The following CDCA7L variants were observed in gnomAD, a reference collection of about 807,000 sequenced individuals.
CDCA7L encodes cell division cycle-associated 7-like protein.
In CDCA7L, 44 loss-of-function variants were observed where a neutral mutation model predicts 57.4. That is an observed-to-expected ratio of 0.77 (90% CI 0.60 to 0.98). CDCA7L has a LOEUF of 0.98. Ranked by LOEUF, CDCA7L falls within the 50% of genes least tolerant of loss-of-function variation. CDCA7L has a pLI of 0.00. For synonymous variants in CDCA7L, 236 were observed against 202.8 expected (o/e 1.16, Z -1.39); for missense variants, 644 against 580.6 (o/e 1.11, Z -1.12).
At chr7:21,938,421 G>A (rs1786240014) in intron 1 of CDCA7L, among the ~76,000 whole-genome samples, 1 of 152,024 alleles carries the variant, frequency 6.6e-6, no homozygotes. Context: ...AAGACGTGAA[G>A]AAATTGGAAC....
intron 2 of CDCA7L, among the ~76,000 whole-genome samples, chr7:21,915,658 A>AACACACAC: frequency 2.7e-5 from 2 of 73,502 alleles, no homozygotes; most frequent in African/African-American, 1.2e-4. Flanking sequence ...AAAAAAAAAA[A>AACACACAC]ACACACACAC....
intron 1 of CDCA7L, among the ~76,000 whole-genome samples, chr7:21,924,819 G>T (rs1454567862): frequency 2.6e-5 from 4 of 151,980 alleles, no homozygotes; most frequent in African/African-American, 9.7e-5. Context: ...CCACACACTG[G>T]GAGAAAATAT....
chr7:21,902,239 AAAAATCTT>A lies in CDCA7L; in HGVS notation c.*75_*82del, dbSNP rs374410108. 16 of 1,135,080 alleles carry A rather than the reference AAAAATCTT, an allele frequency of 1.4e-5. No individual in the cohort carries two copies. In the African/African-American group the frequency reaches 1.7e-4, roughly 12 times the overall value. The allele number at this position is 1,135,080 out of a possible 1,614,324, so 70.3% of individuals were successfully genotyped here. On this transcript the variant is annotated 3_prime_UTR_variant, in exon 10 of 10. Coordinates refer to ENST00000406877, the MANE Select transcript of CDCA7L (RefSeq NM_018719.5). ...TTTCTGTATAAAAACACAACTGTAA[AAAAATCTT>A]TCTTAGGCACCAATGGTATGCATGT...
intron 2 of CDCA7L, among the ~76,000 whole-genome samples, chr7:21,913,888 G>GT (rs1785404552): frequency 6.6e-6 from 1 of 152,320 alleles, no homozygotes; most frequent in Admixed American, 6.5e-5. Context: ...TCCAAAGTGT[G>GT]TAAGTACTGT....
intron 2 of CDCA7L, among the ~76,000 whole-genome samples, chr7:21,915,298 G>A (rs1785444271): frequency 6.6e-6 from 1 of 152,072 alleles, no homozygotes; most frequent in South Asian, 2.1e-4. Flanking sequence ...GGAGAAGTGA[G>A]TTTCAGATCT....
At position 21,905,560 on chromosome 7, in the gene CDCA7L, C is replaced by T; in HGVS notation, c.993G>A (p.Glu331=). 1 of 1,614,074 alleles carries T rather than the reference C, an allele frequency of 6.2e-7. No homozygotes were observed. Among genetic ancestry groups the T allele is most frequent in the Non-Finnish European group, 8.5e-7 (1 of 1,179,998 alleles). ...CAGTTATGGCAACATTTTCTAAGTCCTCTTCGGTGATATCCTCCACTGGCC... is the reference window on the plus strand; with the variant it reads ...CAGTTATGGCAACATTTTCTAAGTCTTCTTCGGTGATATCCTCCACTGGCC... The part of the protein sequence containing the change: ...SFRPVEDITE[E]DLENVAITVR... The change falls in exon 7 of 10, where the codon GAG becomes GAA. Residue 331 remains glutamate, a synonymous_variant. Coordinates refer to ENST00000406877, the MANE Select transcript of CDCA7L (RefSeq NM_018719.5).
In CDCA7L at chr7:21,910,355, C is replaced by T. The variant is rs560755210; in HGVS notation, c.303+1262G>A. ...CCAAAGGAGACCTGGGGCCTCCAGG[C>T]TGGCACAGCTCTATGTTGCTACTCA... is the stretch of plus-strand genomic sequence containing the variant. On this transcript the variant is annotated intron_variant, in intron 3 of 9. Coordinates refer to ENST00000406877, the MANE Select transcript of CDCA7L (RefSeq NM_018719.5). Among the ~76,000 whole-genome samples the T allele has an allele frequency of 9.8e-5, 15 of 152,336 alleles. No homozygotes were observed. The South Asian group carries it at 3.1e-3, about 32-fold the overall frequency.
intron 1 of CDCA7L, among the ~76,000 whole-genome samples, chr7:21,936,812 C>A (rs975848671): frequency 6.6e-6 from 1 of 152,104 alleles, no homozygotes; most frequent in Admixed American, 6.6e-5. Context: ...GGAGGTCTAG[C>A]CAGACCAATC....
At position 21,901,165 on chromosome 7, in the gene CDCA7L, C is replaced by T. The variant is rs1784804936; in HGVS notation, c.*1157G>A. On this transcript the variant is annotated 3_prime_UTR_variant, in exon 10 of 10. Coordinates refer to ENST00000406877, the MANE Select transcript of CDCA7L (RefSeq NM_018719.5). ...TGTGTATAGAACCAAACTGAGAGGC[C>T]CCAGCTACATCTGGACCTTCAGGCT... The T allele has an allele frequency of 6.2e-7, 1 of 1,613,758 alleles. No individual in the cohort carries two copies. The highest frequency in any genetic ancestry group is 1.7e-5 in the Admixed American group (1 of 59,990).
chr7:21,916,900 T>C lies in CDCA7L; in HGVS notation c.25-6A>G, dbSNP rs747460766. On this transcript the variant is annotated splice_region_variant and splice_polypyrimidine_tract_variant and intron_variant, in intron 1 of 9. Coordinates refer to ENST00000406877, the MANE Select transcript of CDCA7L (RefSeq NM_018719.5). ...TCAGCCACTTCTTTAGGGATCTGTT[T>C]TGGATTCAAAAGAGGCAGGATTAAA... is the stretch of plus-strand genomic sequence containing the variant. 29 of 1,613,994 alleles carry C rather than the reference T, an allele frequency of 1.8e-5. No individual in the cohort carries two copies. The highest frequency in any genetic ancestry group is 2.3e-5 in the Non-Finnish European group (27 of 1,179,932).
chr7:21,901,390 G>T lies in CDCA7L; in HGVS notation c.*932C>A. On this transcript the variant is annotated 3_prime_UTR_variant, in exon 10 of 10. Coordinates refer to ENST00000406877, the MANE Select transcript of CDCA7L (RefSeq NM_018719.5). ...CATTCTTTTTTCAACGCTATCCTTA[G>T]AGTGAAAGTCAGAAAAAAATACTAG... 1 of 1,253,798 alleles carries T rather than the reference G, an allele frequency of 8.0e-7. No individual in the cohort carries two copies. The allele number at this position is 1,253,798 out of a possible 1,614,324, so 77.7% of individuals were successfully genotyped here.
chr7:21,901,061 T>G lies in CDCA7L; in HGVS notation c.*1261A>C. The G allele has an allele frequency of 6.2e-7, 1 of 1,613,552 alleles. No individual in the cohort carries two copies. Among genetic ancestry groups the G allele is most frequent in the South Asian group, 1.1e-5 (1 of 90,986 alleles). ...ATTGTTGAAGCCCGTCTCAAGGAGCTGGCATGCCCTATGCCGGTCATCTTT... is the reference window on the plus strand; with the variant it reads ...ATTGTTGAAGCCCGTCTCAAGGAGCGGGCATGCCCTATGCCGGTCATCTTT... On this transcript the variant is annotated 3_prime_UTR_variant, in exon 10 of 10. Coordinates refer to ENST00000406877, the MANE Select transcript of CDCA7L (RefSeq NM_018719.5).
rs1303995752 is a variant in CDCA7L at position 21,908,591 on chromosome 7, T to C, written c.304-84A>G. On this transcript the variant is annotated intron_variant, in intron 3 of 9. Coordinates refer to ENST00000406877, the MANE Select transcript of CDCA7L (RefSeq NM_018719.5). ...CATGCATTTAAAACAACTGACAGCATTATGAGAAAAAACATGAAAAATGAA... is the reference window on the plus strand; with the variant it reads ...CATGCATTTAAAACAACTGACAGCACTATGAGAAAAAACATGAAAAATGAA... 9 of 1,346,958 alleles carry C rather than the reference T, an allele frequency of 6.7e-6. No homozygotes were observed. In the African/African-American group the frequency reaches 1.2e-4, roughly 18 times the overall value. 83.4% of individuals were successfully genotyped at this position (1,346,958 alleles called of 1,614,324 possible).
intron 1 of CDCA7L, among the ~76,000 whole-genome samples, chr7:21,944,347 A>T (rs1304067581): frequency 6.7e-6 from 1 of 148,380 alleles, no homozygotes; most frequent in Non-Finnish European, 1.5e-5. Flanking sequence ...GCTACTCGGG[A>T]CGCTGAGGCA....
At chr7:21,908,968 G>T (rs565356181) in intron 3 of CDCA7L, among the ~76,000 whole-genome samples, 1 of 152,314 alleles carries the variant, frequency 6.6e-6, no homozygotes, top group Non-Finnish European at 1.5e-5. Flanking sequence ...TAACAGGGCG[G>T]GAGAGCTGAC....
chr7:21,901,013 G>T lies in CDCA7L; in HGVS notation c.*1309C>A, dbSNP rs775606157. On this transcript the variant is annotated 3_prime_UTR_variant, in exon 10 of 10. Coordinates refer to ENST00000406877, the MANE Select transcript of CDCA7L (RefSeq NM_018719.5). ...CGCTGTGTTTTTGCCATAGGCGCCC[G>T]CTGGGACACCCAAGCAGGAACCATT... 7 of 1,591,276 alleles carry T rather than the reference G, an allele frequency of 4.4e-6. No individual in the cohort carries two copies. Among genetic ancestry groups the T allele is most frequent in the Non-Finnish European group, 6.0e-6 (7 of 1,168,448 alleles).
intron 3 of CDCA7L, among the ~76,000 whole-genome samples, chr7:21,910,894 A>G (rs1487711134): frequency 6.6e-6 from 1 of 152,174 alleles, no homozygotes; most frequent in East Asian, 1.9e-4. Context: ...TTTTTGCCAA[A>G]TTAACTTCAA....
chr7:21,927,189 A>C (rs537146266), intron 1 of CDCA7L, among the ~76,000 whole-genome samples: 67 of 152,354 alleles, frequency 4.4e-4, no homozygotes, highest in African/African-American at 1.6e-3. Context: ...CCCAGAGGAA[A>C]ACACTGGACT....
At chr7:21,935,642 A>G (rs976471358) in intron 1 of CDCA7L, among the ~76,000 whole-genome samples, 2 of 152,184 alleles carry the variant, frequency 1.3e-5, no homozygotes, top group Non-Finnish European at 2.9e-5. Flanking sequence ...CTACATGACT[A>G]GAAAATATAC....
Sources: allele counts gnomAD v4.1 joint callset (sites outside exome capture counted in the v4.1 genomes callset), GRCh38; gene constraint gnomAD v4.1.1; transcripts MANE v1.5; gene names NCBI Gene and HGNC (gene_info 2026-07-23, HGNC 2026-07-21).